Variants in DDX19B observed in about 807,000 individuals in gnomAD.
The protein encoded by DDX19B is DEAD-box helicase 19B.
In DDX19B, 27 loss-of-function variants were observed where a neutral mutation model predicts 58.1. The ratio of observed to expected loss-of-function variants is 0.46; its 90% CI spans 0.34 to 0.64. The LOEUF is 0.64. DDX19B is among the 30% of genes least tolerant of loss of function. The pLI, the probability that DDX19B is intolerant of heterozygous loss-of-function variation, is 0.01. For synonymous variants in DDX19B, 187 were observed against 214.4 expected (o/e 0.87, Z 1.12); for missense variants, 399 against 596.5 (o/e 0.67, Z 3.45).
chr16:70,301,479 T>C (rs938615768), intron 1 of DDX19B, among the ~76,000 whole-genome samples: 5 of 152,134 alleles, frequency 3.3e-5, no homozygotes, highest in Admixed American at 2.0e-4. Flanking sequence ...CTGTTTGTCT[T>C]TAATATTCAG....
At chr16:70,315,447 T>C (rs886183673) in intron 3 of DDX19B, among the ~76,000 whole-genome samples, 42 of 151,150 alleles carry the variant, frequency 2.8e-4, no homozygotes, top group Non-Finnish European at 1.3e-4. Context: ...GTTCTAATGG[T>C]TTACGTTTAG....
intron 5 of DDX19B, 53 bp downstream of exon 5, chr16:70,317,641 C>A: frequency 6.6e-7 from 1 of 1,521,440 alleles, no homozygotes; most frequent in Non-Finnish European, 9.1e-7. Context: ...TTTTTGAAAA[C>A]TATTATTATT....
At chr16:70,294,782 G>C (rs531506719), upstream of DDX19B, 3 of 1,318,780 alleles carry the variant, frequency 2.3e-6, no homozygotes, top group Non-Finnish European at 3.0e-6. Flanking sequence ...CAGCCAATGA[G>C]GCTCCGGCTT....
intron 11 of DDX19B, 152 bp downstream of exon 11, chr16:70,333,311 C>G: frequency 8.1e-7 from 1 of 1,231,380 alleles, no homozygotes; most frequent in Non-Finnish European, 1.1e-6. Flanking sequence ...GGGAGCACAC[C>G]TGGAGACTTC....
At chr16:70,299,890 G>A (rs957204141) in intron 1 of DDX19B, among the ~76,000 whole-genome samples, 5 of 152,154 alleles carry the variant, frequency 3.3e-5, no homozygotes, top group Admixed American at 6.5e-5. Context: ...GATGGACCCA[G>A]TAGGTGTGGC....
At chr16:70,303,496 C>G (rs1215069650) in intron 1 of DDX19B, among the ~76,000 whole-genome samples, 1 of 152,098 alleles carries the variant, frequency 6.6e-6, no homozygotes, top group Non-Finnish European at 1.5e-5. Flanking sequence ...TGTCTTTTTT[C>G]AACAGTACTT....
intron 9 of DDX19B, among the ~76,000 whole-genome samples, chr16:70,330,277 T>A (rs1263192789): frequency 5.3e-5 from 8 of 152,162 alleles, no homozygotes; most frequent in Non-Finnish European, 7.4e-5. Flanking sequence ...ATGAAATAAT[T>A]TTTAGATTTT....
chr16:70,297,239 A>C (rs1219883059), upstream of DDX19B, among the ~76,000 whole-genome samples: 2 of 142,382 alleles, frequency 1.4e-5, no homozygotes, highest in Non-Finnish European at 3.0e-5. Flanking sequence ...TTTGAGACAG[A>C]GTTTCACTCG....
Position 70,312,268 on chromosome 16 carries a change from A to G in DDX19B, c.58-341A>G, listed in dbSNP as rs189883450. Reference sequence around the variant, plus strand: ...GGAATGCAGCGATTCCCCCCCACACACAAAAGAAATATGAGAGAATGACAA... The same window carrying G: ...GGAATGCAGCGATTCCCCCCCACACGCAAAAGAAATATGAGAGAATGACAA... On this transcript the variant is annotated intron_variant, in intron 1 of 11. Coordinates refer to ENST00000288071, the MANE Select transcript of DDX19B (RefSeq NM_007242.7). Among the ~76,000 whole-genome samples, 3 of 152,288 alleles carry G rather than the reference A, an allele frequency of 2.0e-5. No individual in the cohort carries two copies. In the East Asian group the frequency reaches 5.8e-4, roughly 29 times the overall value.
At chr16:70,302,040 C>T (rs772136353) in intron 1 of DDX19B, among the ~76,000 whole-genome samples, 3 of 152,034 alleles carry the variant, frequency 2.0e-5, no homozygotes, top group African/African-American at 4.8e-5. Context: ...CCTGCCTCAG[C>T]CTCCCGAGTA....
chr16:70,317,727 C>A, intron 5 of DDX19B, 139 bp downstream of exon 5: 1 of 603,098 alleles, frequency 1.7e-6, no homozygotes, highest in Non-Finnish European at 2.7e-6. Context: ...CGTTTCAGGC[C>A]AGGAGTTCAA....
At chr16:70,329,537 A>T in intron 8 of DDX19B, 68 bp downstream of exon 8, 1 of 1,600,404 alleles carries the variant, frequency 6.2e-7, no homozygotes, top group Non-Finnish European at 8.5e-7. Context: ...TTCACTTCAG[A>T]TGCCTCCTCT....
chr16:70,314,176 A>G (rs887188909), intron 2 of DDX19B, among the ~76,000 whole-genome samples: 4 of 152,146 alleles, frequency 2.6e-5, no homozygotes, highest in African/African-American at 4.8e-5. Flanking sequence ...TGTTATATAC[A>G]TGAATTTTAA....
upstream of DDX19B, chr16:70,294,938 A>G (rs1016105624): frequency 8.0e-6 from 12 of 1,495,780 alleles, no homozygotes; most frequent in Non-Finnish European, 1.1e-5. Flanking sequence ...GCGAGGGTAG[A>G]AGCCAGACCC....
chr16:70,313,992 C>T (rs1196416187), intron 2 of DDX19B, among the ~76,000 whole-genome samples: 1 of 151,914 alleles, frequency 6.6e-6, no homozygotes, highest in Non-Finnish European at 1.5e-5. Context: ...CCCTGTAATC[C>T]CAGCTACTCA....
chr16:70,334,897 C>G lies in DDX19B; in HGVS notation c.*1315C>G, dbSNP rs1963643841. On this transcript the variant is annotated 3_prime_UTR_variant, in exon 12 of 12. Transcript: ENST00000288071. ...TGAAACCCCAACCAAGAGGAGTACT[C>G]TGCAGTTCTTTGGCTTTGGTATAGA... The G allele has an allele frequency of 6.6e-6, 1 of 152,218 alleles. No individual in the cohort carries two copies. Among genetic ancestry groups the G allele is most frequent in the African/African-American group, 2.4e-5 (1 of 41,466 alleles). The allele number at this position is 152,218 out of a possible 1,614,324, so 9.4% of individuals were successfully genotyped here.
At chr16:70,294,902 C>G (rs1961165419), upstream of DDX19B, 3 of 1,526,850 alleles carry the variant, frequency 2.0e-6, no homozygotes, top group East Asian at 2.5e-5. Flanking sequence ...TTCCCATCAC[C>G]CTGCCTGTGG....
intron 1 of DDX19B, 106 bp downstream of exon 1, chr16:70,299,460 CG>C: frequency 4.6e-6 from 6 of 1,318,468 alleles, no homozygotes; most frequent in Non-Finnish European, 6.1e-6. Context: ...GATGGGGTGG[CG>C]GGGAGGATAG....
chr16:70,325,812 A>G, intron 7 of DDX19B, 124 bp downstream of exon 7: 1 of 780,676 alleles, frequency 1.3e-6, no homozygotes, highest in South Asian at 1.6e-5. Context: ...TAGATTCAAA[A>G]ACTTAACATT....
Sources: gnomAD v4.1 joint callset for allele counts (sites outside exome capture counted in the v4.1 genomes callset) on GRCh38, gnomAD v4.1.1 for gene constraint, MANE v1.5 for transcripts, NCBI Gene and HGNC (gene_info 2026-07-23, HGNC 2026-07-21) for gene names.